IMMP2L: variants seen among roughly 807,000 people sequenced by gnomAD.
The protein encoded by IMMP2L is inner mitochondrial membrane peptidase subunit 2, also known as mitochondrial inner membrane protease subunit 2.
IMMP2L carries 18 observed loss-of-function variants against 19.3 expected under a neutral mutation model. That is an observed-to-expected ratio of 0.93 (90% CI 0.64 to 1.38). IMMP2L has a LOEUF of 1.38. Among genes scored for constraint, IMMP2L ranks in the 40% most tolerant of loss-of-function variants. The pLI is 0.00. For synonymous variants in IMMP2L, 76 were observed against 73.0 expected (o/e 1.04, Z -0.21); for missense variants, 233 against 218.2 (o/e 1.07, Z -0.43).
rs752062403 is a variant in IMMP2L, at chr7:111,487,334, AAAG to A, written c.140_142del (p.Ser47del). 5.0e-6 allele frequency: 8 copies of A among 1,589,584 alleles called. No homozygotes were observed. The highest frequency in any genetic ancestry group is 3.3e-5 in the Admixed American group (2 of 59,958). ...AGATGACTGGCTCCCCCCAGGATTC[AAAG>A]AAGGCTAGAAAATAAGGAGAAAGAG... On this transcript the variant is annotated inframe_deletion, in exon 3 of 6. Coordinates refer to ENST00000405709, the MANE Select transcript of IMMP2L (RefSeq NM_032549.4).
At chr7:111,392,151 C>T (rs1230549468) in intron 3 of IMMP2L, 3 of 605,010 alleles carry the variant, frequency 5.0e-6, no homozygotes, top group Non-Finnish European at 5.9e-6. Flanking sequence ...TACTTTTAGC[C>T]CCAAAGTCAC....
intron 3 of IMMP2L, among the ~76,000 whole-genome samples, chr7:111,336,427 T>C (rs1826414105): frequency 6.6e-6 from 1 of 152,070 alleles, no homozygotes; most frequent in Non-Finnish European, 1.5e-5. Context: ...CTTTTAGTTA[T>C]GATGACACTT....
intron 3 of IMMP2L, among the ~76,000 whole-genome samples, chr7:111,287,733 G>C (rs1820651819): frequency 6.6e-6 from 1 of 152,088 alleles, no homozygotes; most frequent in Non-Finnish European, 1.5e-5. Context: ...AATAAAAAAT[G>C]TATATAAGTC....
chr7:110,916,723 T>C (rs1014803600), intron 4 of IMMP2L, among the ~76,000 whole-genome samples: 13 of 152,356 alleles, frequency 8.5e-5, no homozygotes, highest in Middle Eastern at 3.4e-3. Flanking sequence ...TTTATTATCA[T>C]CAACTTGCTA....
At chr7:110,851,457 C>A (rs1806217936) in intron 5 of IMMP2L, among the ~76,000 whole-genome samples, 1 of 152,142 alleles carries the variant, frequency 6.6e-6, no homozygotes, top group Non-Finnish European at 1.5e-5. Flanking sequence ...CTCTCCCTTC[C>A]TTCCTTGTCC....
chr7:111,148,077 T>G (rs1803674807), intron 3 of IMMP2L, among the ~76,000 whole-genome samples: 1 of 152,144 alleles, frequency 6.6e-6, no homozygotes, highest in Non-Finnish European at 1.5e-5. Flanking sequence ...GTAACATTAT[T>G]CATATCAGGC....
chr7:110,995,784 G>A (rs1464823488), intron 3 of IMMP2L, among the ~76,000 whole-genome samples: 1 of 152,104 alleles, frequency 6.6e-6, no homozygotes, highest in Admixed American at 6.6e-5. Flanking sequence ...GCTAGTCTCT[G>A]TATCCTTGGC....
At chr7:110,797,209 A>G (rs888801395) in intron 5 of IMMP2L, among the ~76,000 whole-genome samples, 2 of 151,998 alleles carry the variant, frequency 1.3e-5, no homozygotes, top group African/African-American at 4.8e-5. Flanking sequence ...AAAAAATGCT[A>G]TGAAATTTAA....
intron 5 of IMMP2L, among the ~76,000 whole-genome samples, chr7:110,778,942 C>G (rs138079384): frequency 6.6e-6 from 1 of 151,938 alleles, no homozygotes; most frequent in Non-Finnish European, 1.5e-5. Context: ...GAACATCCAG[C>G]TGGGAAGTGG....
chr7:111,433,555 T>A (rs1443278829), intron 3 of IMMP2L, among the ~76,000 whole-genome samples: 1 of 151,738 alleles, frequency 6.6e-6, no homozygotes, highest in Non-Finnish European at 1.5e-5. Flanking sequence ...AATTCAATTG[T>A]CTCCCACCAT....
At chr7:111,275,250 G>T (rs896385611) in intron 3 of IMMP2L, among the ~76,000 whole-genome samples, 3 of 152,126 alleles carry the variant, frequency 2.0e-5, no homozygotes, top group Admixed American at 6.6e-5. Context: ...TGAGATAAGA[G>T]ACTTGGCCCA....
chr7:111,391,313 G>C (rs781428418), intron 3 of IMMP2L, among the ~76,000 whole-genome samples: 3 of 152,076 alleles, frequency 2.0e-5, no homozygotes, highest in Non-Finnish European at 2.9e-5. Flanking sequence ...GTCTGCACCT[G>C]CTCTTCTTCC....
chr7:111,492,133 T>C (rs17158596), intron 2 of IMMP2L, among the ~76,000 whole-genome samples: 66,752 of 151,718 alleles, frequency 0.44, 15,125 homozygotes, highest in Non-Finnish European at 0.5. Context: ...TCTTTTTTTT[T>C]CTAAGTTTTG....
chr7:111,121,782 T>A (rs1800656802), intron 3 of IMMP2L, among the ~76,000 whole-genome samples: 2 of 152,158 alleles, frequency 1.3e-5, no homozygotes, highest in Admixed American at 1.3e-4. Context: ...TGCACACGTA[T>A]GTTTATTGCA....
chr7:111,556,116 T>C (rs777162469), intron 1 of IMMP2L, among the ~76,000 whole-genome samples: 2 of 148,574 alleles, frequency 1.3e-5, no homozygotes, highest in Non-Finnish European at 1.5e-5. Flanking sequence ...GATTCTAATA[T>C]GTGTGCATAC....
intron 3 of IMMP2L, among the ~76,000 whole-genome samples, chr7:111,383,858 T>G (rs1413122615): frequency 6.6e-6 from 1 of 152,112 alleles, no homozygotes; most frequent in Non-Finnish European, 1.5e-5. Flanking sequence ...AATATTCAGT[T>G]TATATGTCAC....
chr7:111,469,179 C>A (rs1203823008), intron 3 of IMMP2L, among the ~76,000 whole-genome samples: 6 of 152,180 alleles, frequency 3.9e-5, no homozygotes, highest in Non-Finnish European at 7.4e-5. Context: ...AGTTTGAAGT[C>A]AGGTAGCGTG....
At chr7:110,994,535 C>CTCTT (rs759130927) in intron 3 of IMMP2L, among the ~76,000 whole-genome samples, 1 of 152,164 alleles carries the variant, frequency 6.6e-6, no homozygotes, top group Non-Finnish European at 1.5e-5. Flanking sequence ...CTCACTTTCT[C>CTCTT]TCTTTGACCA....
In IMMP2L at chr7:110,768,849, G is replaced by A. The variant is rs537699430; in HGVS notation, c.409-105128C>T. ...CTTCAAAACCCATGTTGTCTAGTCC[G>A]TTCCTGTTTACCCAGCACTAGCTCA... On this transcript the variant is annotated intron_variant, in intron 5 of 5. Coordinates refer to ENST00000405709, the MANE Select transcript of IMMP2L (RefSeq NM_032549.4). Among the ~76,000 whole-genome samples the A allele has an allele frequency of 2.1e-4, 32 of 152,218 alleles. 1 individual carries two copies. The highest frequency in any genetic ancestry group is 6.7e-4 in the African/African-American group (28 of 41,534).
Sources: gnomAD v4.1 joint callset for allele counts (sites outside exome capture counted in the v4.1 genomes callset) on GRCh38, gnomAD v4.1.1 for gene constraint, MANE v1.5 for transcripts, NCBI Gene and HGNC (gene_info 2026-07-23, HGNC 2026-07-21) for gene names.